SERAC1: variants seen among roughly 807,000 people sequenced by gnomAD.
SERAC1 encodes the protein serine active site containing 1.
In SERAC1, 36 loss-of-function variants were observed where a neutral mutation model predicts 85.7. The observed-to-expected ratio is 0.42, with a 90% CI of 0.32 to 0.55. The LOEUF is 0.55. SERAC1 is among the 20% of genes least tolerant of loss of function. The pLI, the probability that SERAC1 is intolerant of heterozygous loss-of-function variation, is 0.11. For synonymous variants in SERAC1, 242 were observed against 265.3 expected (o/e 0.91, Z 0.85); for missense variants, 629 against 796.2 (o/e 0.79, Z 2.53).
rs775308653 is a variant in SERAC1, at chr6:158,136,052, C to T, written c.739-5566G>A. On this transcript the variant is annotated intron_variant, in intron 8 of 16. Transcript: ENST00000647468. Reference sequence around the variant, plus strand: ...GTCTCAATCTCCTGACCTCATGATCCGCCTGCCTCGGTGTCCCAAAGTGCT... The same window carrying T: ...GTCTCAATCTCCTGACCTCATGATCTGCCTGCCTCGGTGTCCCAAAGTGCT... Among the ~76,000 whole-genome samples the T allele has an allele frequency of 5.9e-5, 9 of 152,238 alleles. No homozygotes were observed. The East Asian group carries it at 9.7e-4, about 16-fold the overall frequency.
chr6:158,146,643 C>T, intron 6 of SERAC1, 139 bp downstream of exon 6: 2 of 1,013,610 alleles, frequency 2.0e-6, no homozygotes, highest in East Asian at 2.7e-5. Context: ...AACTCCTGAC[C>T]TTGTGATCCA....
Position 158,146,793 on chromosome 6 carries a change from TG to T in SERAC1, c.475del (p.His159IlefsTer10). On this transcript the variant is annotated frameshift_variant, in exon 6 of 17. Coordinates refer to ENST00000647468, the MANE Select transcript of SERAC1 (RefSeq NM_032861.4). LOFTEE classifies it high-confidence loss of function. Reference sequence around the variant, plus strand: ...GGTAGTCTCATTACCATGCCAGTGATGGGTCTCCGACATTTCCCGCACAGCC... The same window carrying T: ...GGTAGTCTCATTACCATGCCAGTGATGGTCTCCGACATTTCCCGCACAGCC... ...LEAVREMSET[H>X]HWHDYQYRII... 1 of 1,613,692 alleles carries T rather than the reference TG, an allele frequency of 6.2e-7. No homozygotes were observed. The highest frequency in any genetic ancestry group is 8.5e-7 in the Non-Finnish European group (1 of 1,179,734).
intron 1 of SERAC1, 31 bp downstream of exon 1, chr6:158,168,109 C>G (rs929353016): frequency 4.6e-5 from 7 of 152,620 alleles, no homozygotes; most frequent in African/African-American, 1.7e-4. Context: ...CCCCCGTCCG[C>G]CCCCACACCA....
Position 158,158,261 on chromosome 6 carries a change from A to C in SERAC1, c.91+12T>G, listed in dbSNP as rs1785404059. On this transcript the variant is annotated intron_variant, in intron 2 of 16. Coordinates refer to ENST00000647468, the MANE Select transcript of SERAC1 (RefSeq NM_032861.4). ...CCTATAAGAAAATAAGAGTTGTTTA[A>C]GCTGTACTCACTGATATCTCTCCAG... The C allele has an allele frequency of 1.9e-6, 3 of 1,579,956 alleles. No individual in the cohort carries two copies. Among genetic ancestry groups the C allele is most frequent in the African/African-American group, 2.7e-5 (2 of 74,206 alleles).
intron 7 of SERAC1, 44 bp downstream of exon 7, chr6:158,144,255 C>A: frequency 6.7e-7 from 1 of 1,493,868 alleles, no homozygotes; most frequent in South Asian, 1.2e-5. Flanking sequence ...ATATATTAAA[C>A]CATTTTTCAC....
chr6:158,143,343 C>A (rs1368276199), intron 7 of SERAC1, among the ~76,000 whole-genome samples, 159 bp from the exon 8 acceptor site: 11 of 33,520 alleles, frequency 3.3e-4, no homozygotes, highest in African/African-American at 2.0e-3. Context: ...CTCTCTCTCT[C>A]TCTCTATATA....
intron 1 of SERAC1, chr6:158,159,441 G>T (rs1385967936): frequency 6.7e-6 from 1 of 149,892 alleles, no homozygotes; most frequent in Admixed American, 6.7e-5. Context: ...TGAGGTTGCA[G>T]TGAGCTGAGA....
At chr6:158,115,006 GC>G in intron 14 of SERAC1, 35 bp from the exon 15 acceptor site, 2 of 1,574,246 alleles carry the variant, frequency 1.3e-6, no homozygotes, top group Non-Finnish European at 1.7e-6. Flanking sequence ...CAATGCATAA[GC>G]TATTTTCCTT....
intron 3 of SERAC1, chr6:158,150,900 T>G (rs1315684921): frequency 3.9e-6 from 1 of 254,416 alleles, no homozygotes; most frequent in African/African-American, 2.2e-5. Context: ...ACAAATCTAC[T>G]GTGCTGCCCG....
In SERAC1 at chr6:158,116,378, C is replaced by T. The variant is rs1784290403; in HGVS notation, c.1404-96G>A. ...AGTTAAGAACTTTAGTCTACAGGAC[C>T]AATGCTACATACTACATTTAGAGTA... On this transcript the variant is annotated intron_variant, in intron 13 of 16. Transcript: ENST00000647468. 6.0e-6 allele frequency: 5 copies of T among 836,650 alleles called. No individual in the cohort carries two copies. The East Asian group carries it at 1.3e-4, about 21-fold the overall frequency. 51.8% of individuals were successfully genotyped at this position (836,650 alleles called of 1,614,324 possible).
chr6:158,121,251 GGA>G (rs1229920395), intron 10 of SERAC1, among the ~76,000 whole-genome samples: 1 of 152,030 alleles, frequency 6.6e-6, no homozygotes, highest in Non-Finnish European at 1.5e-5. Flanking sequence ...TTACCTTTTA[GGA>G]GAGAGATAGG....
chr6:158,155,020 G>T (rs1785296164), intron 3 of SERAC1, among the ~76,000 whole-genome samples: 1 of 152,158 alleles, frequency 6.6e-6, no homozygotes, highest in African/African-American at 2.4e-5. Flanking sequence ...TGATTTAAGT[G>T]TGTCAGAGCT....
chr6:158,159,818 G>A (rs966160025), intron 1 of SERAC1, among the ~76,000 whole-genome samples: 1 of 151,834 alleles, frequency 6.6e-6, no homozygotes, highest in Non-Finnish European at 1.5e-5. Flanking sequence ...TAGAGACAGG[G>A]TTTCACCATA....
chr6:158,156,996 C>CTATA (rs112367425), intron 2 of SERAC1, among the ~76,000 whole-genome samples: 29 of 99,644 alleles, frequency 2.9e-4, no homozygotes, highest in Admixed American at 5.2e-4. Context: ...TACATATAAA[C>CTATA]TATATATATA....
rs116242297 is a variant in SERAC1 at position 158,118,513 on chromosome 6, G to A, written c.1308+516C>T. Among the ~76,000 whole-genome samples the A allele has an allele frequency of 6.8e-3, 1,028 of 151,518 alleles. 16 individuals are homozygous for A. Among genetic ancestry groups the A allele is most frequent in the African/African-American group, 0.024 (979 of 41,286 alleles). ...TGTGCCTGTGGTCCCAGCTACTCAG[G>A]AGGCTGAGGGGGAATGACTGTTTGA... On this transcript the variant is annotated intron_variant, in intron 12 of 16. Transcript: ENST00000647468.
intron 16 of SERAC1, chr6:158,112,245 A>T (rs182849254): frequency 2.6e-5 from 4 of 152,506 alleles, no homozygotes; most frequent in Admixed American, 2.0e-4. Flanking sequence ...GACCCCATTT[A>T]TACAAAAAAT....
At chr6:158,156,402 G>A (rs2128424155) in intron 2 of SERAC1, among the ~76,000 whole-genome samples, 1 of 152,120 alleles carries the variant, frequency 6.6e-6, no homozygotes, top group Non-Finnish European at 1.5e-5. Context: ...GGATATAGAT[G>A]GAAGTCTATA....
chr6:158,156,919 A>AATATTAATATATTTATATAG (rs1562459978), intron 2 of SERAC1, among the ~76,000 whole-genome samples: 2 of 60,916 alleles, frequency 3.3e-5, no homozygotes, highest in East Asian at 3.9e-4. Flanking sequence ...TATTTATATA[A>AATATTAATATATTTATATAG]ATATTAATAT....
Position 158,120,484 on chromosome 6 carries a change from T to C in SERAC1, c.1107A>G (p.Glu369=). 6.2e-7 allele frequency: 1 copy of C among 1,614,138 alleles called. No homozygotes were observed. Among genetic ancestry groups the C allele is most frequent in the Non-Finnish European group, 8.5e-7 (1 of 1,180,004 alleles). Residue 369 remains glutamate, a synonymous_variant, in exon 11 of 17, where the codon GAA becomes GAG. Transcript: ENST00000647468. The surrounding 1 kb of genome is among the most constrained non-coding windows in gnomAD (Gnocchi z 4.4). ...AARILANLDR[E]TVQEKYQDGV... ...CATCCTGATATTTTTCTTGCACAGTTTCTCGGTCTAGATTTGCCAGGATTC... is the reference window on the plus strand; with the variant it reads ...CATCCTGATATTTTTCTTGCACAGTCTCTCGGTCTAGATTTGCCAGGATTC...
Sources: gnomAD v4.1 joint callset for allele counts (sites outside exome capture counted in the v4.1 genomes callset) on GRCh38, gnomAD v4.1.1 for gene constraint, Gnocchi (gnomAD v3.1) non-coding constraint, MANE v1.5 for transcripts, NCBI Gene and HGNC (gene_info 2026-07-23, HGNC 2026-07-21) for gene names.